The following MRC2 variants were observed in gnomAD, a reference collection of about 807,000 sequenced individuals.
The protein encoded by MRC2 is C-type mannose receptor 2.
A neutral mutation model predicts 206.2 loss-of-function variants in MRC2; 84 were observed. That is an observed-to-expected ratio of 0.41 (90% confidence interval 0.34 to 0.49). MRC2 has a LOEUF of 0.49. Ranked by LOEUF, MRC2 falls within the 20% of genes least tolerant of loss-of-function variation. The pLI is 0.31. For synonymous variants in MRC2, 798 were observed against 800.0 expected (o/e 1.00, Z 0.04); for missense variants, 1,676 against 2,001.5 (o/e 0.84, Z 3.10).
In MRC2 at chr17:62,690,629, T is replaced by C. The variant is rs1312076198; in HGVS notation, c.3893-13T>C. 1.9e-6 allele frequency: 3 copies of C among 1,591,910 alleles called. No homozygotes were observed. The highest frequency in any genetic ancestry group is 1.7e-6 in the Non-Finnish European group (2 of 1,169,556). Reference sequence around the variant, plus strand: ...GACCCATCCGCCCTGACGTGGGCCTTCTTTGCATCCAGCGGGTGGGGCCGT... The same window carrying C: ...GACCCATCCGCCCTGACGTGGGCCTCCTTTGCATCCAGCGGGTGGGGCCGT... On this transcript the variant is annotated splice_polypyrimidine_tract_variant and intron_variant, in intron 26 of 29. Transcript: ENST00000303375.
intron 1 of MRC2, among the ~76,000 whole-genome samples, chr17:62,645,516 TATA>T (rs1568052087): frequency 1.1e-4 from 8 of 70,428 alleles, no homozygotes; most frequent in African/African-American, 4.1e-4. Context: ...TATATATATA[TATA>T]TATATATATT....
rs766196721 is a variant in MRC2, at chr17:62,688,532, C to T, written c.3093C>T (p.Thr1031=). ...AFITASLPNV[T]FDLWIGLHAS... ...TCACAGCCAGCCTGCCCAATGTGACCTTTGACCTTTGGATTGGCCTCCATG... is the reference window on the plus strand; with the variant it reads ...TCACAGCCAGCCTGCCCAATGTGACTTTTGACCTTTGGATTGGCCTCCATG... Residue 1031 remains threonine (T), a synonymous_variant, in exon 22 of 30, where the codon ACC becomes ACT. Transcript: ENST00000303375. 1.2e-6 allele frequency: 2 copies of T among 1,614,244 alleles called. No individual in the cohort carries two copies. The highest frequency in any genetic ancestry group is 1.7e-6 in the Non-Finnish European group (2 of 1,180,042).
intron 6 of MRC2, among the ~76,000 whole-genome samples, chr17:62,669,023 GGCTGTGCAGTTTCCTGCGAA>G (rs2088792292): frequency 1.3e-5 from 2 of 151,824 alleles, no homozygotes; most frequent in Non-Finnish European, 2.9e-5. Flanking sequence ...AGGTTGGAGG[GGCTGTGCAGTTTCCTGCGAA>G]GCTGTGGGGT....
At chr17:62,658,745 A>T (rs1312017256) in intron 1 of MRC2, among the ~76,000 whole-genome samples, 1 of 152,160 alleles carries the variant, frequency 6.6e-6, no homozygotes, top group African/African-American at 2.4e-5. Context: ...ACATCTACAA[A>T]ACAAGCAATA....
In MRC2 at chr17:62,691,796, T is replaced by G. The variant is rs1388289728; in HGVS notation, c.4193-316T>G. ...CAAAAAAAAAAAAAAAAAAAAAAAGTCCCGACCTCCTAGAGTGCTAGTGAA... is the reference window on the plus strand; with the variant it reads ...CAAAAAAAAAAAAAAAAAAAAAAAGGCCCGACCTCCTAGAGTGCTAGTGAA... On this transcript the variant is annotated intron_variant, in intron 28 of 29. Transcript: ENST00000303375. Among the ~76,000 whole-genome samples the G allele has an allele frequency of 5.7e-4, 62 of 108,248 alleles. 1 individual carries two copies. In the East Asian group the frequency reaches 7.3e-3, roughly 13 times the overall value. 71.0% of individuals were successfully genotyped at this position (108,248 alleles called of 152,430 possible).
At chr17:62,638,737 C>CAA (rs59450498) in intron 1 of MRC2, among the ~76,000 whole-genome samples, 3 of 85,198 alleles carry the variant, frequency 3.5e-5, no homozygotes, top group African/African-American at 4.9e-5. Context: ...AACCCTGTCT[C>CAA]AAAAAAAAAA....
chr17:62,663,563 G>A (rs1353309875), intron 1 of MRC2, among the ~76,000 whole-genome samples: 1 of 152,148 alleles, frequency 6.6e-6, no homozygotes, highest in Non-Finnish European at 1.5e-5. Flanking sequence ...ACTCTGTAAA[G>A]TGGGTGTGCT....
chr17:62,679,751 C>T, intron 13 of MRC2, 49 bp from the exon 14 acceptor site: 1 of 1,580,916 alleles, frequency 6.3e-7, no homozygotes, highest in Non-Finnish European at 8.6e-7. Context: ...GGGTTCCTGC[C>T]CCTCTCACTT....
At chr17:62,655,721 T>TAA (rs71155946) in intron 1 of MRC2, among the ~76,000 whole-genome samples, 4 of 126,184 alleles carry the variant, frequency 3.2e-5, no homozygotes, top group African/African-American at 9.0e-5. Context: ...TCTGTCTCTT[T>TAA]AAAAAAAAAA....
At chr17:62,637,535 CAAA>C (rs61648461) in intron 1 of MRC2, among the ~76,000 whole-genome samples, 3 of 136,620 alleles carry the variant, frequency 2.2e-5, no homozygotes, top group Non-Finnish European at 3.2e-5. Context: ...GACTGTGTCT[CAAA>C]AAAAAAAAAA....
rs745471338 is a variant in MRC2 at position 62,691,038 on chromosome 17, A to G, written c.4102A>G (p.Ser1368Gly). 3 of 1,609,954 alleles carry G rather than the reference A, an allele frequency of 1.9e-6. No individual in the cohort carries two copies. The highest frequency in any genetic ancestry group is 1.7e-5 in the Admixed American group (1 of 59,160). Reference protein sequence around the residue: ...GLGPSMLSHNSCYWIQSNSGL... With the variant: ...GLGPSMLSHNGCYWIQSNSGL... ...GGGCCCCAGCATGCTGAGCCACAAC[A>G]GCTGCTACTGGATTCAGAGCAACAG... The change falls in exon 28 of 30, where the codon AGC (serine) becomes GGC (glycine). Residue 1368 changes from serine to glycine, a missense_variant. Ser to Gly is a moderately conservative substitution (Grantham distance 56, BLOSUM62 0). Around this residue, in one of 3 missense-constraint regions of MRC2, gnomAD observed 1,354 missense variants for 1,636.6 expected, o/e 0.83. Coordinates refer to ENST00000303375, the MANE Select transcript of MRC2 (RefSeq NM_006039.5).
Position 62,675,940 on chromosome 17 carries a change from C to T in MRC2, c.1685+35C>T. The T allele has an allele frequency of 6.4e-7, 1 of 1,568,528 alleles. No individual in the cohort carries two copies. Among genetic ancestry groups the T allele is most frequent in the Non-Finnish European group, 8.8e-7 (1 of 1,139,352 alleles). Reference sequence around the variant, plus strand: ...GGGCGGGTGCCCTGACTAGCCCTTGCCCATGTCTGGGCCTATTGTGGTCCC... The same window carrying T: ...GGGCGGGTGCCCTGACTAGCCCTTGTCCATGTCTGGGCCTATTGTGGTCCC... On this transcript the variant is annotated intron_variant, in intron 10 of 29. Transcript: ENST00000303375. This position sits in a 1 kb window ranked among gnomAD's most constrained non-coding sequence, Gnocchi z 4.1.
At chr17:62,658,857 A>G (rs1242951808) in intron 1 of MRC2, among the ~76,000 whole-genome samples, 1 of 152,026 alleles carries the variant, frequency 6.6e-6, no homozygotes, top group Non-Finnish European at 1.5e-5. Context: ...CCAGATACCT[A>G]CTCCTTAAAG....
rs1164608075 is a variant in MRC2, at chr17:62,674,492, A to T, written c.1569+322A>T. 2.0e-5 allele frequency among the ~76,000 whole-genome samples: 3 copies of T among 152,106 alleles called. No individual in the cohort carries two copies. The South Asian group carries it at 6.2e-4, about 32-fold the overall frequency. ...ACCCCCGAGTGCCCCCTCAGAGTCCAGCCTAGTCATGTCAAGCAGTGGCTG... is the reference window on the plus strand; with the variant it reads ...ACCCCCGAGTGCCCCCTCAGAGTCCTGCCTAGTCATGTCAAGCAGTGGCTG... On this transcript the variant is annotated intron_variant, in intron 9 of 29. Transcript: ENST00000303375.
rs755079069 is a variant in MRC2, at chr17:62,690,287, C to T, written c.3874C>T (p.Arg1292Ter). The T allele has an allele frequency of 6.8e-6, 11 of 1,611,470 alleles. No individual in the cohort carries two copies. Among genetic ancestry groups the T allele is most frequent in the South Asian group, 1.1e-5 (1 of 90,972 alleles). ...MELLLGHKEA[R>*]QRCQRAGGAV... ...GCTGCTGCTGGGCCACAAGGAGGCG[C>T]GACAGCGCTGCCAGAGAGGTGGGTG... is the stretch of plus-strand genomic sequence containing the variant. Residue 1292 changes from arginine to a stop codon, truncating the protein, a stop_gained, in exon 26 of 30, where the codon CGA becomes TGA. Transcript: ENST00000303375. LOFTEE classifies it high-confidence loss of function.
rs1331938996 is a variant in MRC2 at position 62,664,126 on chromosome 17, A to ATTT, written c.119-418_119-416dup. ...AGGCGCCCGCCACTACGCCCGGCTA[A>ATTT]TTTTTTGTATTTTTAGTAGAGACGG... is the stretch of plus-strand genomic sequence containing the variant. On this transcript the variant is annotated intron_variant, in intron 1 of 29. Transcript: ENST00000303375. The surrounding 1 kb of genome is among the most constrained non-coding windows in gnomAD (Gnocchi z 4.7). 6.6e-6 allele frequency among the ~76,000 whole-genome samples: 1 copy of ATTT among 151,306 alleles called. No homozygotes were observed. The highest frequency in any genetic ancestry group is 1.5e-5 in the Non-Finnish European group (1 of 67,800).
intron 12 of MRC2, 67 bp downstream of exon 12, chr17:62,677,553 A>G: frequency 7.1e-7 from 1 of 1,400,384 alleles, no homozygotes. Flanking sequence ...GTTTGGATGG[A>G]GGTCCCAGTG....
intron 1 of MRC2, among the ~76,000 whole-genome samples, chr17:62,631,085 T>C (rs974706186): frequency 6.6e-6 from 1 of 152,174 alleles, no homozygotes; most frequent in Non-Finnish European, 1.5e-5. Context: ...AGAGAAATCC[T>C]GGCTTTCTGA....
intron 26 of MRC2, 80 bp downstream of exon 26, chr17:62,690,385 C>T (rs2089092482): frequency 1.3e-6 from 2 of 1,503,452 alleles, no homozygotes; most frequent in Admixed American, 2.1e-5. Context: ...TGAGTACATC[C>T]CCACACTGCT....
Sources: allele counts gnomAD v4.1 joint callset (sites outside exome capture counted in the v4.1 genomes callset), GRCh38; gene constraint gnomAD v4.1.1; regional missense constraint gnomAD v4.1.1; non-coding constraint Gnocchi (gnomAD v3.1); transcripts MANE v1.5; gene names NCBI Gene and HGNC (gene_info 2026-07-23, HGNC 2026-07-21).